The following GLOD4 variants were observed in gnomAD, a reference collection of about 807,000 sequenced individuals.
The protein encoded by GLOD4 is glyoxalase domain containing 4.
A neutral mutation model predicts 39.1 loss-of-function variants in GLOD4; 44 were observed. The ratio of observed to expected loss-of-function variants is 1.13; its 90% confidence interval spans 0.88 to 1.45. The LOEUF (loss-of-function observed/expected upper bound fraction) is 1.45. GLOD4 is among the 40% of genes most tolerant of loss of function. The pLI, the probability that GLOD4 is intolerant of heterozygous loss-of-function variation, is 0.00. For synonymous variants in GLOD4, 145 were observed against 135.0 expected, an observed-to-expected ratio of 1.07 and a Z score of -0.52; for missense variants, 405 against 366.4, an observed-to-expected ratio of 1.11 and a Z score of -0.86.
At chr17:772,159 A>G (rs1908068058) in intron 4 of GLOD4, among the ~76,000 whole-genome samples, 2 of 140,046 alleles carry the variant, frequency 1.4e-5, no homozygotes, top group Non-Finnish European at 3.0e-5. Flanking sequence ...ACTGCACTCC[A>G]GCCTGGGTGA....
chr17:785,130 TTATACA>T (rs1910475773), upstream of GLOD4, among the ~76,000 whole-genome samples: 1 of 152,062 alleles, frequency 6.6e-6, no homozygotes, highest in Non-Finnish European at 1.5e-5. Context: ...TATTTGATAA[TTATACA>T]TAAAGAGTTT....
rs568676878 is a variant in GLOD4, at chr17:775,415, G to C, written c.406+360C>G. ...CAGAGAACAACAGAACGTAGAAAGAGAAAATGTGGGGAGCTGGTGAATCAT... is the reference window on the plus strand; with the variant it reads ...CAGAGAACAACAGAACGTAGAAAGACAAAATGTGGGGAGCTGGTGAATCAT... On this transcript the variant is annotated intron_variant, in intron 4 of 8. Transcript: ENST00000301329. Among the ~76,000 whole-genome samples, 4 of 152,320 alleles carry C rather than the reference G, an allele frequency of 2.6e-5. No individual in the cohort carries two copies. In the East Asian group the frequency reaches 7.7e-4, roughly 29 times the overall value.
intron 4 of GLOD4, among the ~76,000 whole-genome samples, chr17:773,060 T>A (rs1435002205): frequency 6.6e-6 from 1 of 151,892 alleles, no homozygotes; most frequent in Non-Finnish European, 1.5e-5. Flanking sequence ...TCACATAAAA[T>A]CCTTTGTTAA....
intron 2 of GLOD4, 176 bp from the exon 3 acceptor site, chr17:777,164 C>T (rs1372041840): frequency 1.7e-6 from 1 of 605,030 alleles, no homozygotes; most frequent in African/African-American, 1.9e-5. Context: ...TCATGGGACC[C>T]TACTACAAGC....
upstream of GLOD4, chr17:783,366 T>C (rs771247740): frequency 2.0e-6 from 3 of 1,538,244 alleles, no homozygotes; most frequent in Non-Finnish European, 2.6e-6. Context: ...TTTTTTTGTC[T>C]TGTTCTGTCA....
At position 773,736 on chromosome 17, in the gene GLOD4, G is replaced by T. The variant is rs185561922; in HGVS notation, c.406+2039C>A. On this transcript the variant is annotated intron_variant, in intron 4 of 8. Transcript: ENST00000301329. ...CCTGTTTGCTAGAACAGCAATATTG[G>T]GATTAAGACGCTGTTTCTCACAAGT... 1.0e-3 allele frequency among the ~76,000 whole-genome samples: 156 copies of T among 152,188 alleles called. 2 individuals carry two copies. The highest frequency in any genetic ancestry group is 3.7e-3 in the African/African-American group (153 of 41,532).
Position 775,818 on chromosome 17 carries a change from T to C in GLOD4, c.363A>G (p.Gly121=). ...AEGVFETEAP[G]GYKFYLQNRS... is the part of the protein sequence containing the mutation. ...GATTCTGCAAATAGAACTTATATCC[T>C]CCCGGGGCCTCGGTTTCAAAAACAC... is the stretch of plus-strand genomic sequence containing the variant. Residue 121 remains glycine (G), a synonymous_variant, in exon 4 of 9, where the codon GGA becomes GGG. Transcript: ENST00000301329. 6.2e-7 allele frequency: 1 copy of C among 1,614,004 alleles called. No homozygotes were observed. The highest frequency in any genetic ancestry group is 8.5e-7 in the Non-Finnish European group (1 of 1,179,878).
chr17:775,935 G>A lies in GLOD4; in HGVS notation c.262-16C>T. Reference sequence around the variant, plus strand: ...GCGTGATTCCCTACAACAAACAACAGTACATCCAAGTACATGATCACAACA... The same window carrying A: ...GCGTGATTCCCTACAACAAACAACAATACATCCAAGTACATGATCACAACA... On this transcript the variant is annotated splice_polypyrimidine_tract_variant and intron_variant, in intron 3 of 8. Coordinates refer to ENST00000301329, the MANE Select transcript of GLOD4 (RefSeq NM_016080.4). 1 of 1,602,614 alleles carries A rather than the reference G, an allele frequency of 6.2e-7. No homozygotes were observed. The highest frequency in any genetic ancestry group is 8.5e-7 in the Non-Finnish European group (1 of 1,169,712).
At chr17:780,631 T>C (rs1432604753) in intron 1 of GLOD4, 1 of 151,024 alleles carries the variant, frequency 6.6e-6, no homozygotes, top group Non-Finnish European at 1.5e-5. Context: ...TGGTCCCAGC[T>C]ACTCGGGAGG....
upstream of GLOD4, chr17:782,483 G>A (rs1470836164): frequency 6.2e-7 from 1 of 1,613,748 alleles, no homozygotes; most frequent in African/African-American, 1.3e-5. Context: ...CGCTGCGGCG[G>A]AGCCCAGTGA....
chr17:770,697 T>G (rs1907810559), intron 5 of GLOD4, 190 bp from the exon 6 acceptor site: 4 of 412,418 alleles, frequency 9.7e-6, no homozygotes, highest in Admixed American at 7.8e-5. Flanking sequence ...GCATCTATGT[T>G]TTTTTTTTTA....
intron 1 of GLOD4, among the ~76,000 whole-genome samples, chr17:781,389 T>C (rs145894770): frequency 4.6e-5 from 7 of 152,270 alleles, no homozygotes; most frequent in African/African-American, 9.6e-5. Flanking sequence ...ACCCAGGCCA[T>C]GAGCTCTAAT....
upstream of GLOD4, chr17:783,099 G>T (rs1461579890): frequency 1.2e-6 from 2 of 1,612,898 alleles, no homozygotes. Context: ...AATGACAATA[G>T]TAAAGTCCAG....
chr17:768,529 T>TAGA (rs746867684), intron 8 of GLOD4, among the ~76,000 whole-genome samples: 2 of 136,992 alleles, frequency 1.5e-5, no homozygotes, highest in African/African-American at 2.9e-5. Context: ...CTCAGATTTT[T>TAGA]AGAAGAAATC....
upstream of GLOD4, chr17:782,744 C>T (rs753931916): frequency 3.3e-6 from 5 of 1,537,212 alleles, no homozygotes; most frequent in South Asian, 1.2e-5. Flanking sequence ...TCCCGTCGCA[C>T]AGCGGAACCT....
At chr17:781,131 G>A (rs557138489) in intron 1 of GLOD4, among the ~76,000 whole-genome samples, 13 of 152,090 alleles carry the variant, frequency 8.5e-5, no homozygotes, top group African/African-American at 2.9e-4. Context: ...ATGTTGGCCA[G>A]GCTGGTGTCC....
At chr17:763,623 T>C (rs557259853) in intron 8 of GLOD4, 3 of 152,196 alleles carry the variant, frequency 2.0e-5, no homozygotes, top group Non-Finnish European at 4.4e-5. Context: ...TTAGTATAAA[T>C]AGAGAGTTCA....
chr17:777,298 GC>G, intron 2 of GLOD4: 1 of 364,684 alleles, frequency 2.7e-6, no homozygotes, highest in Admixed American at 3.8e-5. Flanking sequence ...CAATCAACAA[GC>G]ATGAAATTCC....
upstream of GLOD4, chr17:783,197 GTTC>G (rs753394010): frequency 1.3e-5 from 21 of 1,614,136 alleles, no homozygotes; most frequent in Non-Finnish European, 1.5e-5. Flanking sequence ...TGCCAAAAAT[GTTC>G]TTCTTTAGCC....
Sources: allele counts gnomAD v4.1 joint callset (sites outside exome capture counted in the v4.1 genomes callset), GRCh38; gene constraint gnomAD v4.1.1; transcripts MANE v1.5; gene names NCBI Gene and HGNC (gene_info 2026-07-23, HGNC 2026-07-21).